The following PDCL2 variants were observed in gnomAD, a reference collection of about 807,000 sequenced individuals.
PDCL2 encodes the protein phosducin like 2.
In PDCL2, 23 loss-of-function variants were observed where a neutral mutation model predicts 30.3. That is an observed-to-expected ratio of 0.76 (90% CI 0.55 to 1.08). The LOEUF is 1.08. PDCL2 is among the 50% of genes least tolerant of loss of function. PDCL2 has a pLI of 0.00. For synonymous variants in PDCL2, 68 were observed against 86.2 expected, an observed-to-expected ratio of 0.79 and a Z score of 1.17; for missense variants, 243 against 282.3, an observed-to-expected ratio of 0.86 and a Z score of 1.00.
rs767944757 is a variant in PDCL2 at position 55,582,175 on chromosome 4, T to A, written c.69A>T (p.Lys23Asn). Residue 23 changes from lysine to asparagine, a missense_variant, in exon 2 of 6, where the codon AAA becomes AAT. Coordinates refer to ENST00000295645, the MANE Select transcript of PDCL2 (RefSeq NM_152401.3). ...CTTCAATTTCATCTTTTGACTCTTC[T>A]TTAGGAGGAAGAATGCCGAAATCTC... ...ILRDFGILPP[K>N]EESKDEIEEM... The A allele has an allele frequency of 2.0e-5, 33 of 1,613,024 alleles. No individual in the cohort carries two copies. The highest frequency in any genetic ancestry group is 2.5e-5 in the Non-Finnish European group (29 of 1,179,466).
At chr4:55,576,967 G>A (rs907790178) in intron 3 of PDCL2, among the ~76,000 whole-genome samples, 15 of 150,972 alleles carry the variant, frequency 9.9e-5, no homozygotes, top group East Asian at 1.9e-4. Flanking sequence ...GCACAATCTC[G>A]GCTCACTGCA....
chr4:55,569,825 T>C lies in PDCL2; in HGVS notation c.255A>G (p.Lys85=). 1 of 1,555,808 alleles carries C rather than the reference T, an allele frequency of 6.4e-7. No individual in the cohort carries two copies. The highest frequency in any genetic ancestry group is 8.7e-7 in the Non-Finnish European group (1 of 1,145,426). Residue 85 remains lysine, a synonymous_variant, in exon 4 of 6, where the codon AAA becomes AAG. Transcript: ENST00000295645. ...CTCTTAATTCTCCAAATTTTTGTTT[T>C]TTCTTAAGAGCTTTCCATTCCTGTA... ...KRLQEWKALK[K]KQKFGELREI... is the part of the protein sequence containing the mutation.
intron 3 of PDCL2, among the ~76,000 whole-genome samples, chr4:55,573,633 C>T (rs1166290360): frequency 6.6e-6 from 1 of 151,872 alleles, no homozygotes; most frequent in Non-Finnish European, 1.5e-5. Context: ...TGCCTGTAGT[C>T]CCAGCTACTC....
In PDCL2 at chr4:55,565,945, A is replaced by T. The variant is rs1285258152; in HGVS notation, c.363-3333T>A. Reference sequence around the variant, plus strand: ...AGCTGTCCTTCAACTTTACAATATTAAAAAGCTGTAAGTAAATCCATTTTT... The same window carrying T: ...AGCTGTCCTTCAACTTTACAATATTTAAAAGCTGTAAGTAAATCCATTTTT... On this transcript the variant is annotated intron_variant, in intron 4 of 5. Transcript: ENST00000295645. Among the ~76,000 whole-genome samples, 479 of 151,080 alleles carry T rather than the reference A, an allele frequency of 3.2e-3. 2 individuals carry two copies. The highest frequency in any genetic ancestry group is 0.011 in the African/African-American group (461 of 41,124).
At chr4:55,561,493 G>A (rs567703694) in intron 5 of PDCL2, among the ~76,000 whole-genome samples, 1 of 152,204 alleles carries the variant, frequency 6.6e-6, no homozygotes, top group South Asian at 2.1e-4. Context: ...GAACCAGGGA[G>A]GCAGAGGTTG....
chr4:55,571,494 T>A (rs895124553), intron 3 of PDCL2, among the ~76,000 whole-genome samples: 10 of 148,794 alleles, frequency 6.7e-5, no homozygotes, highest in Non-Finnish European at 1.2e-4. Context: ...GAGACCATCC[T>A]GGCTAGCATG....
intron 1 of PDCL2, among the ~76,000 whole-genome samples, chr4:55,591,291 C>CA (rs1308722520): frequency 1.3e-3 from 183 of 139,000 alleles, no homozygotes; most frequent in African/African-American, 3.1e-3. Flanking sequence ...TTTACTGTAC[C>CA]AAAAAAAAAA....
intron 3 of PDCL2, among the ~76,000 whole-genome samples, chr4:55,578,509 T>C (rs560409313): frequency 1.3e-5 from 2 of 152,286 alleles, no homozygotes; most frequent in African/African-American, 4.8e-5. Context: ...AGACAGTTCC[T>C]GCTAGTACAA....
At chr4:55,578,378 G>C (rs1732623795) in intron 3 of PDCL2, among the ~76,000 whole-genome samples, 1 of 152,170 alleles carries the variant, frequency 6.6e-6, no homozygotes, top group South Asian at 2.1e-4. Flanking sequence ...TAGGGGTTGA[G>C]CATGAACAGC....
intron 1 of PDCL2, among the ~76,000 whole-genome samples, chr4:55,589,218 C>G (rs1213215507): frequency 6.6e-6 from 1 of 152,122 alleles, no homozygotes; most frequent in Non-Finnish European, 1.5e-5. Context: ...CTCTGTAAAT[C>G]TGTTTCTGTT....
chr4:55,582,092 C>G (rs749359816), intron 2 of PDCL2, 25 bp downstream of exon 2: 3 of 1,610,762 alleles, frequency 1.9e-6, no homozygotes, highest in Non-Finnish European at 2.5e-6. Flanking sequence ...TCCCATCATC[C>G]AGCCCACCAA....
intron 1 of PDCL2, among the ~76,000 whole-genome samples, chr4:55,590,256 C>A (rs1205792622): frequency 4.9e-5 from 7 of 143,738 alleles, no homozygotes; most frequent in Admixed American, 2.8e-4. Flanking sequence ...CAGGTGGTAC[C>A]TTTTCCACCT....
chr4:55,566,714 C>A (rs1385261395), intron 4 of PDCL2, among the ~76,000 whole-genome samples: 1 of 152,118 alleles, frequency 6.6e-6, no homozygotes, highest in Non-Finnish European at 1.5e-5. Context: ...AGGCAATGAG[C>A]CACCGCACCC....
chr4:55,579,637 T>C (rs1320641929), intron 3 of PDCL2, among the ~76,000 whole-genome samples: 1 of 152,226 alleles, frequency 6.6e-6, no homozygotes, highest in African/African-American at 2.4e-5. Flanking sequence ...CTGAGTGCTA[T>C]ATGTGCTCAT....
intron 1 of PDCL2, among the ~76,000 whole-genome samples, chr4:55,588,075 T>C (rs1477839410): frequency 6.6e-6 from 1 of 152,198 alleles, no homozygotes; most frequent in African/African-American, 2.4e-5. Context: ...AATTTTTGTA[T>C]ACAGTTGTGA....
At chr4:55,572,082 T>C (rs1046445625) in intron 3 of PDCL2, among the ~76,000 whole-genome samples, 2 of 63,546 alleles carry the variant, frequency 3.1e-5, no homozygotes, top group Non-Finnish European at 6.1e-5. Flanking sequence ...TCTTCCTCCT[T>C]CTCATTTCTC....
Position 55,592,139 on chromosome 4 carries a change from C to G in PDCL2, c.-30G>C. ...CGCTGCTCTGCCCCTCAAGAGCCCG[C>G]GTCGTCCTGCAGCTGGCGAGGCGCC... On this transcript the variant is annotated 5_prime_UTR_variant, in exon 1 of 6. Coordinates refer to ENST00000295645, the MANE Select transcript of PDCL2 (RefSeq NM_152401.3). 6.2e-7 allele frequency: 1 copy of G among 1,607,142 alleles called. No homozygotes were observed. The highest frequency in any genetic ancestry group is 8.5e-7 in the Non-Finnish European group (1 of 1,177,424).
chr4:55,560,916 C>A (rs1732116307), intron 5 of PDCL2, among the ~76,000 whole-genome samples: 1 of 152,098 alleles, frequency 6.6e-6, no homozygotes. Context: ...TCTGCTGGCG[C>A]CTTGATCTGG....
intron 4 of PDCL2, among the ~76,000 whole-genome samples, chr4:55,566,285 A>T (rs571113613): frequency 1.4e-4 from 21 of 150,604 alleles, no homozygotes; most frequent in South Asian, 6.4e-4. Context: ...CCTGGCCAGT[A>T]AATCCACTGT....
Sources: allele counts gnomAD v4.1 joint callset (sites outside exome capture counted in the v4.1 genomes callset), GRCh38; gene constraint gnomAD v4.1.1; transcripts MANE v1.5; gene names NCBI Gene and HGNC (gene_info 2026-07-23, HGNC 2026-07-21).